The following SMIM29 variants were observed in gnomAD, a reference collection of about 807,000 sequenced individuals.
SMIM29 encodes the protein small integral membrane protein 29.
In SMIM29, 4 loss-of-function variants were observed where a neutral mutation model predicts 12.9. The observed-to-expected ratio is 0.31, with a 90% confidence interval of 0.15 to 0.71. The LOEUF is 0.71. Among genes scored for constraint, SMIM29 ranks in the 30% least tolerant of loss-of-function variants. The probability of loss-of-function intolerance (pLI) is 0.70; values close to 1 mark genes in which losing one functional copy is unlikely to be tolerated. For synonymous variants in SMIM29, 50 were observed against 52.0 expected, an observed-to-expected ratio of 0.96 and a Z score of 0.17; for missense variants, 122 against 138.1, an observed-to-expected ratio of 0.88 and a Z score of 0.58.
At chr6:34,248,270 TG>T in intron 1 of SMIM29, 1 of 985,482 alleles carries the variant, frequency 1.0e-6, no homozygotes, top group South Asian at 4.7e-5. Flanking sequence ...AGGAAGGACC[TG>T]CACTGCAGCC....
chr6:34,248,097 C>A (rs1451498326), intron 1 of SMIM29: 2 of 985,302 alleles, frequency 2.0e-6, no homozygotes, highest in African/African-American at 3.5e-5. Context: ...AACTCCTATC[C>A]CTAAATCAGG....
rs763921359 is a variant in SMIM29 at position 34,247,141 on chromosome 6, C to T, written c.146G>A (p.Arg49Gln). ...MYVQKKKRVD[R>Q]LRHHLLPMYS... ...CATGGGGAGCAGGTGATGGCGCAGC[C>T]GGTCCACCCTGGGGAGCAGGGGAGG... The change falls in exon 4 of 5, where the codon CGG (arginine) becomes CAG (glutamine). Residue 49 changes from arginine to glutamine, a missense_variant. By Grantham distance (43) the Arg-to-Gln change is conservative (BLOSUM62 1). Transcript: ENST00000476320. 43 of 1,614,050 alleles carry T rather than the reference C, an allele frequency of 2.7e-5. No homozygotes were observed. The highest frequency in any genetic ancestry group is 5.0e-5 in the Admixed American group (3 of 60,028).
At position 34,246,683 on chromosome 6, in the gene SMIM29, A is replaced by G. The variant is rs1258048854; in HGVS notation, c.*120T>C. On this transcript the variant is annotated 3_prime_UTR_variant, in exon 5 of 5. Transcript: ENST00000476320. ...AGCAGATGCTGCTGAGGGTGGGTGG[A>G]GGGAGAAATGGAGACCCAGCACCCA... The G allele has an allele frequency of 6.2e-7, 1 of 1,613,890 alleles. No homozygotes were observed. The highest frequency in any genetic ancestry group is 8.5e-7 in the Non-Finnish European group (1 of 1,179,960).
chr6:34,246,452 T>A lies in SMIM29; in HGVS notation c.*351A>T. The A allele has an allele frequency of 6.7e-7, 1 of 1,501,660 alleles. No homozygotes were observed. The highest frequency in any genetic ancestry group is 8.9e-7 in the Non-Finnish European group (1 of 1,122,744). 93.0% of individuals were successfully genotyped at this position (1,501,660 alleles called of 1,614,324 possible). A position where few individuals can be genotyped will look rare whatever the true frequency, so the allele number is the denominator to read the frequency against. On this transcript the variant is annotated 3_prime_UTR_variant, in exon 5 of 5. Coordinates refer to ENST00000476320, the MANE Select transcript of SMIM29 (RefSeq NM_001008703.4). ...ACTGAATACTATACATCTGGCCCCA[T>A]CACCATGGAAACAACTCCAAAGCCT...
chr6:34,247,154 G>T lies in SMIM29; in HGVS notation c.138-5C>A, dbSNP rs1359935119. The T allele has an allele frequency of 2.5e-6, 4 of 1,613,978 alleles. No individual in the cohort carries two copies. The highest frequency in any genetic ancestry group is 3.4e-6 in the Non-Finnish European group (4 of 1,179,988). On this transcript the variant is annotated splice_polypyrimidine_tract_variant and splice_region_variant and intron_variant, in intron 3 of 4. Coordinates refer to ENST00000476320, the MANE Select transcript of SMIM29 (RefSeq NM_001008703.4). ...TGATGGCGCAGCCGGTCCACCCTGGGGAGCAGGGGAGGGGACTCAGCTAGG... is the reference window on the plus strand; with the variant it reads ...TGATGGCGCAGCCGGTCCACCCTGGTGAGCAGGGGAGGGGACTCAGCTAGG...
rs143851251 is a variant in SMIM29 at position 34,246,747 on chromosome 6, A to G, written c.*56T>C. ...GGTGACAGCAGGGGAAGCAGATGGC[A>G]GGGCCCCAGGCAGTCCAGGACCCCA... On this transcript the variant is annotated 3_prime_UTR_variant, in exon 5 of 5. Coordinates refer to ENST00000476320, the MANE Select transcript of SMIM29 (RefSeq NM_001008703.4). 1,682 of 1,613,636 alleles carry G rather than the reference A, an allele frequency of 1.0e-3. 1 individual carries two copies. The highest frequency in any genetic ancestry group is 1.2e-3 in the Non-Finnish European group (1,474 of 1,179,968).
At chr6:34,248,764 G>A in intron 1 of SMIM29, 2 of 985,720 alleles carry the variant, frequency 2.0e-6, no homozygotes, top group South Asian at 4.7e-5. Context: ...AAGGGGGCAT[G>A]CCAGGGTGGG....
In SMIM29 at chr6:34,247,865, C is replaced by T. The variant is rs1762867086; in HGVS notation, c.-73-1G>A. 3 of 1,261,104 alleles carry T rather than the reference C, an allele frequency of 2.4e-6. No homozygotes were observed. Among genetic ancestry groups the T allele is most frequent in the South Asian group, 6.8e-5 (2 of 29,574 alleles). The allele number at this position is 1,261,104 out of a possible 1,614,324, so 78.1% of individuals were successfully genotyped here. A position where few individuals can be genotyped will look rare whatever the true frequency, so the allele number is the denominator to read the frequency against. On this transcript the variant is annotated splice_acceptor_variant, in intron 1 of 4. Coordinates refer to ENST00000476320, the MANE Select transcript of SMIM29 (RefSeq NM_001008703.4). LOFTEE classifies it low-confidence loss of function (5UTR_SPLICE). ...CGGGAGGGCGCCTCCACTGGGCTCC[C>T]TGGGAAGGAGGAAGGGAGGTTATCA...
intron 3 of SMIM29, 41 bp downstream of exon 3, chr6:34,247,426 C>A (rs761707301): frequency 1.3e-5 from 10 of 792,394 alleles, no homozygotes; most frequent in Non-Finnish European, 1.9e-5. Context: ...AATTTCAGAA[C>A]GGGTGTGGGG....
intron 4 of SMIM29, 57 bp downstream of exon 4, chr6:34,246,986 TG>T: frequency 6.2e-7 from 1 of 1,612,356 alleles, no homozygotes. Flanking sequence ...CGAGTATGGC[TG>T]GGAACAGGGC....
intron 1 of SMIM29, chr6:34,248,583 A>C: frequency 2.0e-6 from 2 of 985,534 alleles, no homozygotes; most frequent in Non-Finnish European, 2.4e-6. Context: ...CCATCGACAG[A>C]AGCAAAGAGA....
At position 34,247,510 on chromosome 6, in the gene SMIM29, C is replaced by T; in HGVS notation, c.112-18G>A. ...TACATTACCTGCAACAGAGACACAG[C>T]ACTGTGGGGGCTGCTGAGCCCAGGA... is the stretch of plus-strand genomic sequence containing the variant. On this transcript the variant is annotated intron_variant, in intron 2 of 4. Transcript: ENST00000476320. 6.4e-7 allele frequency: 1 copy of T among 1,569,290 alleles called. No individual in the cohort carries two copies. The highest frequency in any genetic ancestry group is 1.9e-5 in the Admixed American group (1 of 53,068).
intron 1 of SMIM29, chr6:34,248,142 C>T (rs1150779): frequency 0.9 from 885,583 of 985,300 alleles, 401,407 homozygotes; most frequent in South Asian, 0.95. Context: ...CAAACATTTA[C>T]AAGTCTCAGC....
intron 2 of SMIM29, 92 bp downstream of exon 2, chr6:34,247,589 A>G: frequency 3.3e-6 from 5 of 1,499,428 alleles, no homozygotes; most frequent in Non-Finnish European, 4.4e-6. Flanking sequence ...CCTTAACAGG[A>G]CAGTGGGGAC....
Position 34,247,490 on chromosome 6 carries a change from T to G in SMIM29, c.114A>C (p.Val38=). The G allele has an allele frequency of 6.3e-7, 1 of 1,577,540 alleles. No individual in the cohort carries two copies. Among genetic ancestry groups the G allele is most frequent in the African/African-American group, 1.3e-5 (1 of 74,666 alleles). Residue 38 remains valine, a splice_region_variant and synonymous_variant, in exon 3 of 5, where the codon GTA becomes GTC. Coordinates refer to ENST00000476320, the MANE Select transcript of SMIM29 (RefSeq NM_001008703.4). ...ACCGCTTTTTCTTCTGTACATACAT[T>G]ACCTGCAACAGAGACACAGCACTGT... ...ITLVGVVVAV[V]MYVQKKKRVD...
rs769218295 is a variant in SMIM29 at position 34,246,544 on chromosome 6, C to T, written c.*259G>A. 7.6e-6 allele frequency: 12 copies of T among 1,569,800 alleles called. No homozygotes were observed. Among genetic ancestry groups the T allele is most frequent in the East Asian group, 6.8e-5 (3 of 44,330 alleles). Reference sequence around the variant, plus strand: ...GAAAGCAAAGGTGTCTACCAGCCGCCCCCATCCCAGAAGGAAAGCCTCTTC... The same window carrying T: ...GAAAGCAAAGGTGTCTACCAGCCGCTCCCATCCCAGAAGGAAAGCCTCTTC... On this transcript the variant is annotated 3_prime_UTR_variant, in exon 5 of 5. Coordinates refer to ENST00000476320, the MANE Select transcript of SMIM29 (RefSeq NM_001008703.4).
rs1458507122 is a variant in SMIM29, at chr6:34,248,161, A to G, written c.-73-297T>C. 4 of 985,256 alleles carry G rather than the reference A, an allele frequency of 4.1e-6. No individual in the cohort carries two copies. In the East Asian group the frequency reaches 4.5e-4, roughly 112 times the overall value. The allele number at this position is 985,256 out of a possible 1,614,324, so 61.0% of individuals were successfully genotyped here. On this transcript the variant is annotated intron_variant, in intron 1 of 4. Coordinates refer to ENST00000476320, the MANE Select transcript of SMIM29 (RefSeq NM_001008703.4). ...CATTTACAAGTCTCAGCTTCTGGGGAAAGATTAAGTGCAGGTTTCAGGTGC... is the reference window on the plus strand; with the variant it reads ...CATTTACAAGTCTCAGCTTCTGGGGGAAGATTAAGTGCAGGTTTCAGGTGC...
At chr6:34,247,438 T>C in intron 3 of SMIM29, 29 bp downstream of exon 3, 1 of 1,559,128 alleles carries the variant, frequency 6.4e-7, no homozygotes, top group Non-Finnish European at 8.7e-7. Flanking sequence ...GGTGTGGGGT[T>C]AGGGCGGGTG....
chr6:34,246,605 C>G lies in SMIM29; in HGVS notation c.*198G>C, dbSNP rs148528914. On this transcript the variant is annotated 3_prime_UTR_variant, in exon 5 of 5. Transcript: ENST00000476320. ...CTGTGGGTGGGCGGTGAGCTCAACACCCACAAAGGGCAGAAGGCCTGGGGG... is the reference window on the plus strand; with the variant it reads ...CTGTGGGTGGGCGGTGAGCTCAACAGCCACAAAGGGCAGAAGGCCTGGGGG... 36 of 1,613,300 alleles carry G rather than the reference C, an allele frequency of 2.2e-5. No homozygotes were observed. In the South Asian group the frequency reaches 3.5e-4, roughly 16 times the overall value.
Sources: allele counts gnomAD v4.1 joint callset, GRCh38; gene constraint gnomAD v4.1.1; transcripts MANE v1.5; gene names NCBI Gene and HGNC (gene_info 2026-07-23, HGNC 2026-07-21).